CNOT6: variants seen among roughly 807,000 people sequenced by gnomAD.
CNOT6 encodes the protein CCR4-NOT transcription complex subunit 6, also known as carbon catabolite repression 4 protein.
Under a neutral mutation model 61.2 loss-of-function variants are expected in CNOT6, and 12 were observed. The ratio of observed to expected loss-of-function variants is 0.20; its 90% CI spans 0.13 to 0.32. The LOEUF (loss-of-function observed/expected upper bound fraction) is 0.32. CNOT6 is among the 10% of genes least tolerant of loss of function. CNOT6 has a pLI of 1.00. For synonymous variants in CNOT6, 225 were observed against 240.6 expected, an observed-to-expected ratio of 0.94 and a Z score of 0.60; for missense variants, 405 against 663.9, an observed-to-expected ratio of 0.61 and a Z score of 4.28.
intron 1 of CNOT6, among the ~76,000 whole-genome samples, chr5:180,511,605 T>C (rs943772053): frequency 1.3e-5 from 2 of 151,072 alleles, no homozygotes; most frequent in Non-Finnish European, 3.0e-5. Context: ...AGCAAGACTT[T>C]GTCTCAAAAA....
At chr5:180,551,794 A>T (rs72814949) in intron 3 of CNOT6, among the ~76,000 whole-genome samples, 23,751 of 151,648 alleles carry the variant, frequency 0.16, 1,936 homozygotes, top group Non-Finnish European at 0.18. Context: ...ACTTTTTTTT[A>T]GGTTTAATTG....
At chr5:180,563,867 C>G (rs1055735337) in intron 4 of CNOT6, among the ~76,000 whole-genome samples, 3 of 152,152 alleles carry the variant, frequency 2.0e-5, no homozygotes, top group African/African-American at 7.2e-5. Flanking sequence ...ATATGTAAAT[C>G]ATTGTTTTTG....
rs1338544883 is a variant in CNOT6, at chr5:180,577,191, G to GTGTGTGTGTT, written c.*2996_*2997insGTGTTTGTGT. ...TGTGTGTGTGTGTGTGTGTGTGTGT[G>GTGTGTGTGTT]TGTGTTTAATATGATTTAGTGACAA... On this transcript the variant is annotated 3_prime_UTR_variant, in exon 12 of 12. Transcript: ENST00000261951. 234 of 152,200 alleles carry GTGTGTGTGTT rather than the reference G, an allele frequency of 1.5e-3. 3 individuals are homozygous for GTGTGTGTGTT. Among genetic ancestry groups the GTGTGTGTGTT allele is most frequent in the African/African-American group, 5.1e-3 (212 of 41,212 alleles). 9.4% of individuals were successfully genotyped at this position (152,200 alleles called of 1,614,324 possible).
At position 180,538,686 on chromosome 5, in the gene CNOT6, G is replaced by GTATATGTATATATA. The variant is rs1758845717; in HGVS notation, c.112+9303_112+9304insGTATATATATATAT. On this transcript the variant is annotated intron_variant, in intron 2 of 11. Coordinates refer to ENST00000261951, the MANE Select transcript of CNOT6 (RefSeq NM_001370472.1). Reference sequence around the variant, plus strand: ...GAGCGAGACTCTGTCTGAGAAAAAGGTATATATATATATATATATATATAT... The same window carrying GTATATGTATATATA: ...GAGCGAGACTCTGTCTGAGAAAAAGGTATATGTATATATATATATATATATATATATATATATAT... Among the ~76,000 whole-genome samples the GTATATGTATATATA allele has an allele frequency of 3.5e-5, 3 of 85,082 alleles. No individual in the cohort carries two copies. The Admixed American group carries it at 4.5e-4, about 13-fold the overall frequency. The allele number at this position is 85,082 out of a possible 152,430, so 55.8% of individuals were successfully genotyped here.
At chr5:180,552,805 T>C (rs745358081) in intron 3 of CNOT6, among the ~76,000 whole-genome samples, 1 of 151,210 alleles carries the variant, frequency 6.6e-6, no homozygotes, top group African/African-American at 2.4e-5. Context: ...CAAATCATAT[T>C]AAGAATAATC....
intron 1 of CNOT6, among the ~76,000 whole-genome samples, chr5:180,504,250 G>T (rs1757025219): frequency 6.6e-6 from 1 of 152,196 alleles, no homozygotes; most frequent in Admixed American, 6.5e-5. Flanking sequence ...AACATTATCA[G>T]TGGCCTTAGA....
intron 6 of CNOT6, among the ~76,000 whole-genome samples, chr5:180,565,254 ACC>A (rs1335537595): frequency 7.9e-5 from 12 of 152,260 alleles, no homozygotes; most frequent in African/African-American, 2.7e-4. Context: ...ATTTGACACT[ACC>A]GAGTTATAAG....
chr5:180,552,898 C>T (rs1000232816), intron 3 of CNOT6, among the ~76,000 whole-genome samples: 1 of 152,168 alleles, frequency 6.6e-6, no homozygotes, highest in Non-Finnish European at 1.5e-5. Context: ...GCAGCTGTTA[C>T]GAGCTCTTTT....
At chr5:180,498,405 T>C (rs1056345252) in intron 1 of CNOT6, among the ~76,000 whole-genome samples, 17 of 152,156 alleles carry the variant, frequency 1.1e-4, no homozygotes, top group Admixed American at 1.1e-3. Context: ...CAATAGAGAA[T>C]GATTAAACTT....
At chr5:180,506,437 G>T (rs1208110708) in intron 1 of CNOT6, among the ~76,000 whole-genome samples, 1 of 152,160 alleles carries the variant, frequency 6.6e-6, no homozygotes, top group Non-Finnish European at 1.5e-5. Flanking sequence ...AGTTCTGAGG[G>T]TTAAATGAGA....
intron 2 of CNOT6, among the ~76,000 whole-genome samples, chr5:180,536,785 T>C (rs2127729029): frequency 6.6e-6 from 1 of 152,210 alleles, no homozygotes; most frequent in East Asian, 1.9e-4. Flanking sequence ...AAAGGCAAGT[T>C]TTTATATTTT....
In CNOT6 at chr5:180,564,485, C is replaced by T. The variant is rs762606593; in HGVS notation, c.386-4C>T. On this transcript the variant is annotated splice_region_variant and splice_polypyrimidine_tract_variant and intron_variant, in intron 4 of 11. Coordinates refer to ENST00000261951, the MANE Select transcript of CNOT6 (RefSeq NM_001370472.1). ...CATTTTACTTATTTCAAAAATATTTCCAGGAAATCCCCTTACCCAGGATAT... is the reference window on the plus strand; with the variant it reads ...CATTTTACTTATTTCAAAAATATTTTCAGGAAATCCCCTTACCCAGGATAT... 5 of 1,583,634 alleles carry T rather than the reference C, an allele frequency of 3.2e-6. No individual in the cohort carries two copies. In the Admixed American group the frequency reaches 5.4e-5, roughly 17 times the overall value.
At chr5:180,560,490 A>G (rs972397262) in intron 4 of CNOT6, among the ~76,000 whole-genome samples, 1 of 151,998 alleles carries the variant, frequency 6.6e-6, no homozygotes, top group Non-Finnish European at 1.5e-5. Context: ...TTTTCACTGG[A>G]TATAAGAATC....
chr5:180,576,439 T>A lies in CNOT6; in HGVS notation c.*2239T>A, dbSNP rs1229508553. 6.5e-6 allele frequency: 1 copy of A among 152,672 alleles called. No homozygotes were observed. The highest frequency in any genetic ancestry group is 2.4e-5 in the African/African-American group (1 of 41,460). 9.5% of individuals were successfully genotyped at this position (152,672 alleles called of 1,614,324 possible). A position where few individuals can be genotyped will look rare whatever the true frequency, so the allele number is the denominator to read the frequency against. On this transcript the variant is annotated 3_prime_UTR_variant, in exon 12 of 12. Coordinates refer to ENST00000261951, the MANE Select transcript of CNOT6 (RefSeq NM_001370472.1). ...CTTGTTAGATGCTAAAGGTTTGAGC[T>A]TTACACAAAATGTCTTCATCTGTAT...
intron 2 of CNOT6, among the ~76,000 whole-genome samples, chr5:180,535,852 T>C (rs1758659386): frequency 6.6e-6 from 1 of 152,276 alleles, no homozygotes. Flanking sequence ...CCTTTCTGAG[T>C]GGTGTAAGAT....
intron 1 of CNOT6, among the ~76,000 whole-genome samples, chr5:180,495,177 C>G (rs1756548100): frequency 6.6e-6 from 1 of 152,224 alleles, no homozygotes. Context: ...GCTTCGCGCT[C>G]CGTGGCCACA....
intron 2 of CNOT6, among the ~76,000 whole-genome samples, chr5:180,543,970 C>G (rs939671400): frequency 1.3e-5 from 2 of 152,130 alleles, no homozygotes; most frequent in Non-Finnish European, 2.9e-5. Context: ...GCCACCACGC[C>G]TGGCTAATTT....
chr5:180,540,050 A>T (rs981082932), intron 2 of CNOT6, among the ~76,000 whole-genome samples: 4 of 151,866 alleles, frequency 2.6e-5, no homozygotes, highest in African/African-American at 9.7e-5. Flanking sequence ...TCTCATTTTT[A>T]TCTTTTTCCT....
intron 1 of CNOT6, among the ~76,000 whole-genome samples, chr5:180,515,966 A>G (rs1757618949): frequency 6.6e-6 from 1 of 152,128 alleles, no homozygotes; most frequent in South Asian, 2.1e-4. Context: ...GGTGGAGTGC[A>G]GTGGCTTGAT....
Sources: gnomAD v4.1 joint callset for allele counts (sites outside exome capture counted in the v4.1 genomes callset) on GRCh38, gnomAD v4.1.1 for gene constraint, MANE v1.5 for transcripts, NCBI Gene and HGNC (gene_info 2026-07-23, HGNC 2026-07-21) for gene names.